Variants in LPP observed in about 807,000 individuals in gnomAD.
LPP encodes LIM domain containing preferred translocation partner in lipoma, also known as lipoma-preferred partner.
Under a neutral mutation model 60.4 loss-of-function variants are expected in LPP, and 38 were observed. The ratio of observed to expected loss-of-function variants is 0.63; its 90% CI spans 0.49 to 0.83. LPP has a LOEUF of 0.83. LPP is among the 40% of genes least tolerant of loss of function. The pLI is 0.00. For synonymous variants in LPP, 328 were observed against 290.8 expected, an observed-to-expected ratio of 1.13 and a Z score of -1.30; for missense variants, 902 against 783.6, an observed-to-expected ratio of 1.15 and a Z score of -1.80.
intron 4 of LPP, among the ~76,000 whole-genome samples, chr3:188,425,945 A>G (rs1190146233): frequency 2.0e-5 from 3 of 151,924 alleles, no homozygotes; most frequent in Admixed American, 6.6e-5. Flanking sequence ...TCATGTCTCT[A>G]TCTCCTCCAG....
At position 188,609,363 on chromosome 3, in the gene LPP, C is replaced by T. The variant is rs1313612010; in HGVS notation, c.632C>T (p.Thr211Ile). ...CCTCAGCCAGTCCCAGCCTCCTACA[C>T]CACGGCCTCCACTTCTTCAAGGCCT... ...PQPQPVPASY[T>I]TASTSSRPTF... The change falls in exon 7 of 12, where the codon ACC becomes ATC. Residue 211 changes from threonine to isoleucine, a missense_variant. Transcript: ENST00000617246. The surrounding 1 kb of genome is among the most constrained non-coding windows in gnomAD (Gnocchi z 6.9). 3.1e-6 allele frequency: 5 copies of T among 1,614,044 alleles called. No homozygotes were observed. The African/African-American group carries it at 4.0e-5, about 13-fold the overall frequency.
At chr3:188,830,960 T>C (rs1334087287) in intron 9 of LPP, among the ~76,000 whole-genome samples, 3 of 152,216 alleles carry the variant, frequency 2.0e-5, no homozygotes, top group Non-Finnish European at 4.4e-5. Context: ...TTGTGAAATC[T>C]CAATCCTGTA....
At chr3:188,453,142 T>C (rs2149364315) in intron 4 of LPP, among the ~76,000 whole-genome samples, 1 of 152,254 alleles carries the variant, frequency 6.6e-6, no homozygotes, top group Non-Finnish European at 1.5e-5. Flanking sequence ...GACTCTTTCT[T>C]TCTTCCTTCC....
rs1553851253 is a variant in LPP, at chr3:188,798,104, T to G, written c.1410+37822T>G. Among the ~76,000 whole-genome samples the G allele has an allele frequency of 2.0e-5, 3 of 152,106 alleles. No individual in the cohort carries two copies. In the South Asian group the frequency reaches 6.2e-4, roughly 32 times the overall value. ...TATCCTTCATACATTTGTATGTCTG[T>G]GTTGACATTGAATGTTTGCATGACA... On this transcript the variant is annotated intron_variant, in intron 9 of 11. Transcript: ENST00000617246.
Position 188,582,848 on chromosome 3 carries a change from T to C in LPP, c.430-26313T>C, listed in dbSNP as rs546352165. 5.3e-5 allele frequency among the ~76,000 whole-genome samples: 8 copies of C among 152,340 alleles called. No homozygotes were observed. In the South Asian group the frequency reaches 1.7e-3, roughly 32 times the overall value. On this transcript the variant is annotated intron_variant, in intron 6 of 11. Transcript: ENST00000617246. Reference sequence around the variant, plus strand: ...ATTTCTAAGCCCTCTCTTTCCCTTATTATCAATTTTACCTCCTAAATATTT... The same window carrying C: ...ATTTCTAAGCCCTCTCTTTCCCTTACTATCAATTTTACCTCCTAAATATTT...
chr3:188,707,051 T>G (rs891871051), intron 7 of LPP, among the ~76,000 whole-genome samples: 21 of 152,174 alleles, frequency 1.4e-4, no homozygotes, highest in Non-Finnish European at 2.9e-5. Context: ...CTTTATTCCT[T>G]TTTTACATAC....
intron 9 of LPP, among the ~76,000 whole-genome samples, chr3:188,820,289 G>A (rs1315708067): frequency 6.6e-6 from 1 of 152,060 alleles, no homozygotes; most frequent in Non-Finnish European, 1.5e-5. Flanking sequence ...GTGTGTTTGT[G>A]TGTGTATGTG....
At chr3:188,197,104 G>T (rs557803882) in intron 1 of LPP, among the ~76,000 whole-genome samples, 3 of 152,208 alleles carry the variant, frequency 2.0e-5, no homozygotes, top group Non-Finnish European at 2.9e-5. Flanking sequence ...ATAATAAATT[G>T]TATAGATAAG....
At chr3:188,871,820 T>G (rs1169031531) in intron 10 of LPP, among the ~76,000 whole-genome samples, 1 of 152,146 alleles carries the variant, frequency 6.6e-6, no homozygotes, top group Non-Finnish European at 1.5e-5. Context: ...GAAAAAAAAT[T>G]GTTAGGTACC....
chr3:188,366,008 A>G (rs1220480044), intron 3 of LPP, among the ~76,000 whole-genome samples: 4 of 152,214 alleles, frequency 2.6e-5, no homozygotes, highest in African/African-American at 7.2e-5. Flanking sequence ...TTCATTTGGT[A>G]TCACTGGATC....
chr3:188,439,920 C>T (rs1329446489), intron 4 of LPP, among the ~76,000 whole-genome samples: 1 of 152,190 alleles, frequency 6.6e-6, no homozygotes, highest in Admixed American at 6.5e-5. Context: ...AGGATTATTC[C>T]ACTTAATTCT....
At chr3:188,362,121 G>A (rs1420751547) in intron 3 of LPP, among the ~76,000 whole-genome samples, 2 of 152,084 alleles carry the variant, frequency 1.3e-5, no homozygotes, top group Non-Finnish European at 2.9e-5. Flanking sequence ...TATGAAGGAG[G>A]GGTTTCCTGA....
In LPP at chr3:188,712,088, G is replaced by A. The variant is rs186730185; in HGVS notation, c.1240+3695G>A. The A allele has an allele frequency of 3.7e-4, 57 of 152,278 alleles. 2 individuals carry two copies. Among genetic ancestry groups the A allele is most frequent in the Admixed American group, 3.1e-3 (47 of 15,298 alleles). The allele number at this position is 152,278 out of a possible 1,614,324, so 9.4% of individuals were successfully genotyped here. ...AATCTAGGGAAGGCTGTCAATGTCC[G>A]GCTAAAGGCTAAGAACGTTATTGTC... On this transcript the variant is annotated intron_variant, in intron 8 of 11. Transcript: ENST00000617246.
At chr3:188,658,503 T>C (rs1325803824) in intron 7 of LPP, among the ~76,000 whole-genome samples, 2 of 152,082 alleles carry the variant, frequency 1.3e-5, no homozygotes, top group Non-Finnish European at 2.9e-5. Flanking sequence ...CCTCCGTGCT[T>C]CTCCTCTCTC....
intron 2 of LPP, among the ~76,000 whole-genome samples, chr3:188,273,965 A>G (rs1738772682): frequency 6.6e-6 from 1 of 152,184 alleles, no homozygotes. Flanking sequence ...AGAGATATAT[A>G]TGAAATTATT....
At chr3:188,501,128 A>C (rs1457286024) in intron 5 of LPP, among the ~76,000 whole-genome samples, 1 of 152,020 alleles carries the variant, frequency 6.6e-6, no homozygotes. Flanking sequence ...CAAGTTTCAC[A>C]ATCTGTAGAT....
At chr3:188,388,841 T>A (rs1258720452) in intron 3 of LPP, among the ~76,000 whole-genome samples, 1 of 152,200 alleles carries the variant, frequency 6.6e-6, no homozygotes, top group African/African-American at 2.4e-5. Context: ...TAGTAAATAT[T>A]TTAGGCTTTG....
At chr3:188,373,205 C>A (rs1306317555) in intron 3 of LPP, among the ~76,000 whole-genome samples, 2 of 152,180 alleles carry the variant, frequency 1.3e-5, no homozygotes, top group Non-Finnish European at 2.9e-5. Flanking sequence ...GATTTATAAT[C>A]CTTTGGGTAT....
At position 188,730,389 on chromosome 3, in the gene LPP, C is replaced by G. The variant is rs765127586; in HGVS notation, c.1240+21996C>G. ...CACTTTTCTCCATTAACTCTGGAAA[C>G]CTTATTTCCTTTTTGTACCACGTAT... On this transcript the variant is annotated intron_variant, in intron 8 of 11. Transcript: ENST00000617246. Among the ~76,000 whole-genome samples the G allele has an allele frequency of 1.3e-3, 192 of 152,244 alleles. 1 individual carries two copies. Among genetic ancestry groups the G allele is most frequent in the Non-Finnish European group, 2.5e-3 (171 of 68,010 alleles).
Sources: allele counts gnomAD v4.1 joint callset (sites outside exome capture counted in the v4.1 genomes callset), GRCh38; gene constraint gnomAD v4.1.1; non-coding constraint Gnocchi (gnomAD v3.1); transcripts MANE v1.5; gene names NCBI Gene and HGNC (gene_info 2026-07-23, HGNC 2026-07-21).